The following CDKAL1 variants were observed in gnomAD, a reference collection of about 807,000 sequenced individuals.
CDKAL1 encodes the protein threonylcarbamoyladenosine tRNA methylthiotransferase.
CDKAL1 carries 32 observed loss-of-function variants against 68.2 expected under a neutral mutation model. The ratio of observed to expected loss-of-function variants is 0.47; its 90% CI spans 0.35 to 0.63. CDKAL1 has a LOEUF of 0.63. Among genes scored for constraint, CDKAL1 ranks in the 30% least tolerant of loss-of-function variants. The probability of loss-of-function intolerance (pLI) is 0.00; values close to 1 mark genes in which losing one functional copy is unlikely to be tolerated. For synonymous variants in CDKAL1, 234 were observed against 244.3 expected (o/e 0.96, Z 0.39); for missense variants, 606 against 696.7 (o/e 0.87, Z 1.47).
At position 20,812,875 on chromosome 6, in the gene CDKAL1, T is replaced by G. The variant is rs144300166; in HGVS notation, c.638+31610T>G. On this transcript the variant is annotated intron_variant, in intron 8 of 15. Coordinates refer to ENST00000274695, the MANE Select transcript of CDKAL1 (RefSeq NM_017774.3). ...ATTTGTGAATCTTTCTGTGGACATA[T>G]GCTCCCATTTTTCTAGGGTGTGGTA... Among the ~76,000 whole-genome samples the G allele has an allele frequency of 3.9e-5, 6 of 152,306 alleles. No homozygotes were observed. The East Asian group carries it at 1.2e-3, about 29-fold the overall frequency.
At chr6:20,697,778 G>A (rs995217079) in intron 5 of CDKAL1, among the ~76,000 whole-genome samples, 1 of 152,136 alleles carries the variant, frequency 6.6e-6, no homozygotes, top group African/African-American at 2.4e-5. Context: ...AGTTTCAGAC[G>A]AGTGAGCTAC....
At chr6:21,160,442 C>T (rs560058739) in intron 13 of CDKAL1, among the ~76,000 whole-genome samples, 3 of 151,408 alleles carry the variant, frequency 2.0e-5, no homozygotes, top group South Asian at 2.1e-4. Flanking sequence ...GGATTACAGG[C>T]GCCCACCACC....
At chr6:21,185,541 A>G (rs780427553) in intron 13 of CDKAL1, among the ~76,000 whole-genome samples, 7 of 152,262 alleles carry the variant, frequency 4.6e-5, no homozygotes, top group Non-Finnish European at 8.8e-5. Context: ...AAATTCATCT[A>G]TTTTCTCACT....
At chr6:20,774,593 C>T (rs954051793) in intron 7 of CDKAL1, among the ~76,000 whole-genome samples, 2 of 152,080 alleles carry the variant, frequency 1.3e-5, no homozygotes, top group African/African-American at 2.4e-5. Context: ...TCCTGAAGAT[C>T]GATAGACAGC....
rs114312936 is a variant in CDKAL1, at chr6:20,723,547, C to T, written c.372-15972C>T. ...CCTGCTGGGAGTCCGGCAAAGGGGC[C>T]GACAAAAATCCTGCATTACTTGCTC... On this transcript the variant is annotated intron_variant, in intron 5 of 15. Transcript: ENST00000274695. 1,151 of 178,626 alleles carry T rather than the reference C, an allele frequency of 6.4e-3. 13 individuals carry two copies. The highest frequency in any genetic ancestry group is 0.026 in the African/African-American group (1,100 of 42,186). 11.1% of individuals were successfully genotyped at this position (178,626 alleles called of 1,614,324 possible). A position where few individuals can be genotyped will look rare whatever the true frequency, so the allele number is the denominator to read the frequency against.
At chr6:20,793,945 T>A (rs1456075707) in intron 8 of CDKAL1, among the ~76,000 whole-genome samples, 7 of 151,144 alleles carry the variant, frequency 4.6e-5, no homozygotes, top group Non-Finnish European at 1.0e-4. Context: ...TTGAACAGCA[T>A]CAGTATGGCT....
intron 5 of CDKAL1, among the ~76,000 whole-genome samples, chr6:20,675,865 A>G (rs960918789): frequency 1.3e-5 from 2 of 152,132 alleles, no homozygotes; most frequent in Admixed American, 6.5e-5. Flanking sequence ...AGTCATTGTT[A>G]TCACAGGAAA....
At chr6:20,861,449 A>AGTT (rs1759625879) in intron 9 of CDKAL1, among the ~76,000 whole-genome samples, 1 of 152,240 alleles carries the variant, frequency 6.6e-6, no homozygotes, top group Non-Finnish European at 1.5e-5. Context: ...ATTTAATTTT[A>AGTT]GTTGATTTTA....
At chr6:20,664,831 A>G (rs1000819696) in intron 5 of CDKAL1, among the ~76,000 whole-genome samples, 1 of 152,140 alleles carries the variant, frequency 6.6e-6, no homozygotes, top group African/African-American at 2.4e-5. Flanking sequence ...GAAATTTGCA[A>G]TATACCAACT....
chr6:20,895,074 CTA>C (rs1159797966), intron 9 of CDKAL1, among the ~76,000 whole-genome samples: 1 of 152,050 alleles, frequency 6.6e-6, no homozygotes, highest in Non-Finnish European at 1.5e-5. Flanking sequence ...TCTTTTTTCT[CTA>C]TGTGTATGTT....
intron 13 of CDKAL1, among the ~76,000 whole-genome samples, chr6:21,169,590 C>T (rs182551254): frequency 9.9e-5 from 15 of 152,266 alleles, no homozygotes; most frequent in African/African-American, 2.6e-4. Context: ...GAGCTGAGAT[C>T]GCACCACTAC....
At chr6:20,722,156 A>T (rs1772408818) in intron 5 of CDKAL1, among the ~76,000 whole-genome samples, 1 of 152,144 alleles carries the variant, frequency 6.6e-6, no homozygotes, top group African/African-American at 2.4e-5. Flanking sequence ...TCATTTTTCC[A>T]TCTTTAATTA....
intron 13 of CDKAL1, among the ~76,000 whole-genome samples, chr6:21,164,013 C>T (rs753144280): frequency 2.6e-5 from 4 of 151,880 alleles, no homozygotes; most frequent in African/African-American, 4.9e-5. Flanking sequence ...ATTAGGCTCC[C>T]TGTCCCTAGC....
chr6:20,935,383 A>T (rs1020031406), intron 9 of CDKAL1, among the ~76,000 whole-genome samples: 1 of 150,572 alleles, frequency 6.6e-6, no homozygotes, highest in Non-Finnish European at 1.5e-5. Flanking sequence ...CATTCTTCTC[A>T]TTTTTGTTGA....
chr6:20,729,918 C>T (rs1258643030), intron 5 of CDKAL1, among the ~76,000 whole-genome samples: 1 of 152,148 alleles, frequency 6.6e-6, no homozygotes, highest in Non-Finnish European at 1.5e-5. Flanking sequence ...ATACTCTAAG[C>T]CTGGTAGCAT....
At chr6:21,197,852 G>A (rs3793090) in intron 13 of CDKAL1, among the ~76,000 whole-genome samples, 169 bp from the exon 14 acceptor site, 17,913 of 152,214 alleles carry the variant, frequency 0.12, 1,303 homozygotes, top group Non-Finnish European at 0.16. Context: ...ATTTGAATCC[G>A]TGATTTGAAC....
At chr6:20,743,088 G>GAGAAAACAGTTCTGAAGTCCAAAA (rs1773526232) in intron 6 of CDKAL1, among the ~76,000 whole-genome samples, 1 of 152,112 alleles carries the variant, frequency 6.6e-6, no homozygotes, top group Non-Finnish European at 1.5e-5. Flanking sequence ...TTTATACAAA[G>GAGAAAACAGTTCTGAAGTCCAAAA]AGAAAACAGT....
At chr6:21,089,311 T>C (rs1360516427) in intron 12 of CDKAL1, among the ~76,000 whole-genome samples, 2 of 151,850 alleles carry the variant, frequency 1.3e-5, no homozygotes, top group Non-Finnish European at 2.9e-5. Flanking sequence ...CCCCTGTCTC[T>C]ACAAAAAATA....
intron 8 of CDKAL1, among the ~76,000 whole-genome samples, chr6:20,825,217 A>G (rs934065649): frequency 6.6e-6 from 1 of 151,282 alleles, no homozygotes; most frequent in Non-Finnish European, 1.5e-5. Flanking sequence ...ATCATTTTCT[A>G]TTTCACTCTG....
Sources: gnomAD v4.1 joint callset for allele counts (sites outside exome capture counted in the v4.1 genomes callset) on GRCh38, gnomAD v4.1.1 for gene constraint, MANE v1.5 for transcripts, NCBI Gene and HGNC (gene_info 2026-07-23, HGNC 2026-07-21) for gene names.